ITSN1: variants seen among roughly 807,000 people sequenced by gnomAD.
ITSN1 encodes intersectin-1.
A neutral mutation model predicts 239.8 loss-of-function variants in ITSN1; 58 were observed. The observed-to-expected ratio is 0.24, with a 90% confidence interval of 0.20 to 0.30. The LOEUF (loss-of-function observed/expected upper bound fraction) is 0.30. Ranked by LOEUF, ITSN1 falls within the 10% of genes least tolerant of loss-of-function variation. The pLI is 1.00. For synonymous variants in ITSN1, 780 were observed against 770.8 expected (o/e 1.01, Z -0.20); for missense variants, 1,558 against 2,103.3 (o/e 0.74, Z 5.07).
Position 33,892,076 on chromosome 21 carries a change from AGT to A in ITSN1, c.*3780_*3781del, listed in dbSNP as rs1986399976. ...ACAGGGTCATTTTGGGCTCGAGGTG[AGT>A]GTGCAATTAGCAGCAGGTCTGCTTG... is the stretch of plus-strand genomic sequence containing the variant. On this transcript the variant is annotated 3_prime_UTR_variant, in exon 40 of 40. Coordinates refer to ENST00000381318, the MANE Select transcript of ITSN1 (RefSeq NM_003024.3). The A allele has an allele frequency of 6.6e-6, 1 of 152,186 alleles. No homozygotes were observed. Among genetic ancestry groups the A allele is most frequent in the African/African-American group, 2.4e-5 (1 of 41,418 alleles). The allele number at this position is 152,186 out of a possible 1,614,324, so 9.4% of individuals were successfully genotyped here.
At chr21:33,854,330 C>G (rs1006252163) in intron 29 of ITSN1, among the ~76,000 whole-genome samples, 16 of 152,194 alleles carry the variant, frequency 1.1e-4, no homozygotes, top group African/African-American at 3.9e-4. Context: ...CACTCTGTGT[C>G]AATATTCTAA....
chr21:33,758,026 A>G (rs1304248515), intron 8 of ITSN1, among the ~76,000 whole-genome samples: 3 of 152,002 alleles, frequency 2.0e-5, no homozygotes, highest in South Asian at 4.2e-4. Context: ...ACAGGCGTGC[A>G]TGCACCACCA....
rs1251151046 is a variant in ITSN1 at position 33,865,281 on chromosome 21, G to T, written c.4021G>T (p.Ala1341Ser). The change falls in exon 32 of 40, where the codon GCC becomes TCC. Residue 1341 changes from alanine (A) to serine (S), a missense_variant. Transcript: ENST00000381318. The surrounding 1 kb of genome is among the most constrained non-coding windows in gnomAD (Gnocchi z 4.4). The part of the protein sequence containing the change: ...RFCSRQLNGA[A>S]LIQQKTDEAP... Reference sequence around the variant, plus strand: ...CTGCAGCCGCCAGCTCAACGGGGCTGCCCTGATCCAGCAGAAGACGGATGA... The same window carrying T: ...CTGCAGCCGCCAGCTCAACGGGGCTTCCCTGATCCAGCAGAAGACGGATGA... 5 of 1,602,438 alleles carry T rather than the reference G, an allele frequency of 3.1e-6. No individual in the cohort carries two copies. Among genetic ancestry groups the T allele is most frequent in the Non-Finnish European group, 4.3e-6 (5 of 1,174,886 alleles).
At chr21:33,851,234 G>T (rs893117206) in intron 29 of ITSN1, among the ~76,000 whole-genome samples, 1 of 151,902 alleles carries the variant, frequency 6.6e-6, no homozygotes. Flanking sequence ...GCTCTTGCTG[G>T]TGCCCATAGC....
chr21:33,702,450 A>G (rs11910204), intron 1 of ITSN1, among the ~76,000 whole-genome samples: 104 of 152,304 alleles, frequency 6.8e-4, no homozygotes, highest in African/African-American at 2.4e-3. Context: ...CATTCAGGAA[A>G]GTTGAAAGAA....
chr21:33,735,335 C>T (rs778460855), intron 5 of ITSN1, 131 bp downstream of exon 5: 4 of 916,702 alleles, frequency 4.4e-6, no homozygotes, highest in Admixed American at 3.9e-5. Context: ...AATGATGGCC[C>T]CCTGCAGGAA....
chr21:33,877,686 T>C (rs1490808814), intron 34 of ITSN1, among the ~76,000 whole-genome samples: 1 of 152,156 alleles, frequency 6.6e-6, no homozygotes, highest in Admixed American at 6.5e-5. Context: ...CCCTATGTAG[T>C]GAGTAAAATG....
chr21:33,691,038 G>A (rs2091523415), intron 1 of ITSN1, among the ~76,000 whole-genome samples: 1 of 151,142 alleles, frequency 6.6e-6, no homozygotes, highest in Non-Finnish European at 1.5e-5. Context: ...TAGGCTGGTG[G>A]CCTTTCTTCC....
intron 1 of ITSN1, among the ~76,000 whole-genome samples, chr21:33,644,478 C>T (rs1727984635): frequency 6.6e-6 from 1 of 151,998 alleles, no homozygotes; most frequent in Non-Finnish European, 1.5e-5. Flanking sequence ...GAAATTGCTA[C>T]GGCGCATGGT....
chr21:33,838,935 C>T (rs896179714), intron 29 of ITSN1, among the ~76,000 whole-genome samples: 2 of 152,220 alleles, frequency 1.3e-5, no homozygotes, highest in Non-Finnish European at 2.9e-5. Flanking sequence ...TGTCTGGGAT[C>T]GGCTTCTGCC....
intron 1 of ITSN1, among the ~76,000 whole-genome samples, chr21:33,700,414 G>A (rs1201297774): frequency 6.6e-6 from 1 of 152,012 alleles, no homozygotes; most frequent in Non-Finnish European, 1.5e-5. Context: ...AGATGAAGAG[G>A]TCTCTGCTGT....
chr21:33,808,947 G>A (rs1197627841), intron 20 of ITSN1, among the ~76,000 whole-genome samples: 3 of 152,220 alleles, frequency 2.0e-5, no homozygotes, highest in African/African-American at 4.8e-5. Context: ...AAGTCTGGCA[G>A]GACCTGGCTT....
chr21:33,720,824 G>C (rs1017694218), intron 2 of ITSN1, among the ~76,000 whole-genome samples: 1 of 152,114 alleles, frequency 6.6e-6, no homozygotes, highest in Admixed American at 6.6e-5. Flanking sequence ...GCACTTGAGA[G>C]TACAGTTTTA....
At chr21:33,735,756 A>C (rs1035205633) in intron 5 of ITSN1, 7 of 153,922 alleles carry the variant, frequency 4.5e-5, no homozygotes, top group African/African-American at 1.7e-4. Flanking sequence ...TAATCCCAGC[A>C]CTTTGGGAGG....
chr21:33,817,591 T>A, intron 22 of ITSN1: 1 of 1,298,236 alleles, frequency 7.7e-7, no homozygotes, highest in Non-Finnish European at 1.0e-6. Context: ...AATTACCTGC[T>A]AGTAATACTG....
intron 29 of ITSN1, among the ~76,000 whole-genome samples, chr21:33,848,707 A>G (rs1353958650): frequency 6.6e-6 from 1 of 152,140 alleles, no homozygotes; most frequent in Non-Finnish European, 1.5e-5. Flanking sequence ...GTTCCACCTG[A>G]ACGCCCATGA....
intron 34 of ITSN1, among the ~76,000 whole-genome samples, chr21:33,876,329 T>TTTCC (rs1602686792): frequency 6.7e-6 from 1 of 149,926 alleles, no homozygotes. Flanking sequence ...TCCTTCCTTC[T>TTTCC]TTCCTTCCTT....
chr21:33,752,293 T>C (rs2067608396), intron 7 of ITSN1, among the ~76,000 whole-genome samples: 1 of 152,192 alleles, frequency 6.6e-6, no homozygotes, highest in Non-Finnish European at 1.5e-5. Flanking sequence ...TGTATGAAGA[T>C]TGGAGTTATA....
chr21:33,679,483 A>G (rs1015294517), intron 1 of ITSN1, among the ~76,000 whole-genome samples: 2 of 152,178 alleles, frequency 1.3e-5, no homozygotes, highest in African/African-American at 4.8e-5. Context: ...ATTGCTTTCT[A>G]CATTTTAATC....
Sources: allele counts gnomAD v4.1 joint callset (sites outside exome capture counted in the v4.1 genomes callset), GRCh38; gene constraint gnomAD v4.1.1; non-coding constraint Gnocchi (gnomAD v3.1); transcripts MANE v1.5; gene names NCBI Gene and HGNC (gene_info 2026-07-23, HGNC 2026-07-21).